EPM2A: variants seen among roughly 807,000 people sequenced by gnomAD.
EPM2A encodes laforin.
A neutral mutation model predicts 26.5 loss-of-function variants in EPM2A; 21 were observed. That is an observed-to-expected ratio of 0.79 (90% CI 0.56 to 1.14). The LOEUF (loss-of-function observed/expected upper bound fraction) is 1.14. EPM2A is among the 50% of genes most tolerant of loss of function. The probability of loss-of-function intolerance (pLI) is 0.00; values close to 1 mark genes in which losing one functional copy is unlikely to be tolerated. For missense variants in EPM2A, 458 were observed against 440.8 expected, an observed-to-expected ratio of 1.04 and a Z score of -0.35; for synonymous variants, 217 against 177.6, an observed-to-expected ratio of 1.22 and a Z score of -1.76.
chr6:145,511,946 T>A (rs1780060212), intron 2 of EPM2A, among the ~76,000 whole-genome samples: 2 of 152,174 alleles, frequency 1.3e-5, no homozygotes, highest in Non-Finnish European at 1.5e-5. Context: ...GTAAAATCAG[T>A]AGCATTTCTA....
intron 2 of EPM2A, among the ~76,000 whole-genome samples, chr6:145,644,462 T>C (rs1396212671): frequency 6.6e-6 from 1 of 152,160 alleles, no homozygotes; most frequent in East Asian, 1.9e-4. Flanking sequence ...GTTTTTTTTA[T>C]ATATGGATGC....
chr6:145,387,889 G>A (rs535772747), intron 4 of EPM2A, among the ~76,000 whole-genome samples: 26 of 151,980 alleles, frequency 1.7e-4, no homozygotes, highest in African/African-American at 3.9e-4. Flanking sequence ...TGATAGATGC[G>A]GGAAGGGTGG....
At chr6:145,458,763 G>A (rs888380524) in intron 4 of EPM2A, among the ~76,000 whole-genome samples, 5 of 118,706 alleles carry the variant, frequency 4.2e-5, no homozygotes, top group South Asian at 5.1e-4. Flanking sequence ...CCCGCCCCCC[G>A]CCCAGTTCTG....
At chr6:145,496,204 T>C (rs953056011) in intron 4 of EPM2A, among the ~76,000 whole-genome samples, 1 of 152,218 alleles carries the variant, frequency 6.6e-6, no homozygotes, top group Non-Finnish European at 1.5e-5. Context: ...TTGTAGGTAA[T>C]CTGGCCTTTC....
intron 2 of EPM2A, among the ~76,000 whole-genome samples, chr6:145,573,268 G>T (rs1198596862): frequency 6.6e-6 from 1 of 152,196 alleles, no homozygotes; most frequent in African/African-American, 2.4e-5. Context: ...CCTGAGGTAG[G>T]ACAGTAAAGG....
At chr6:145,637,566 TAAAAG>T (rs1776789664) in intron 2 of EPM2A, 1 of 151,770 alleles carries the variant, frequency 6.6e-6, no homozygotes, top group South Asian at 2.1e-4. Context: ...AAAAAAATGA[TAAAAG>T]AAAAGTTAGA....
intron 2 of EPM2A, among the ~76,000 whole-genome samples, chr6:145,519,835 A>G (rs571776735): frequency 1.3e-5 from 2 of 152,234 alleles, no homozygotes; most frequent in Non-Finnish European, 2.9e-5. Context: ...ATAGAATCCT[A>G]TCATTAGCCG....
chr6:145,583,797 T>C (rs1409185764), intron 2 of EPM2A, among the ~76,000 whole-genome samples: 1 of 151,962 alleles, frequency 6.6e-6, no homozygotes, highest in African/African-American at 2.4e-5. Flanking sequence ...GCAAGAGGGA[T>C]GCCTGTATCC....
At chr6:145,556,075 T>C (rs997347568) in intron 2 of EPM2A, among the ~76,000 whole-genome samples, 1 of 152,200 alleles carries the variant, frequency 6.6e-6, no homozygotes, top group Non-Finnish European at 1.5e-5. Flanking sequence ...TGTTCTACAA[T>C]TACAGCCACT....
intron 2 of EPM2A, among the ~76,000 whole-genome samples, chr6:145,666,701 G>T (rs915657549): frequency 2.9e-4 from 40 of 138,154 alleles, no homozygotes; most frequent in Non-Finnish European, 5.1e-4. Context: ...AGCCCGCATC[G>T]CCAAGTCAAT....
intron 2 of EPM2A, among the ~76,000 whole-genome samples, chr6:145,569,622 C>T (rs1780929139): frequency 6.6e-6 from 1 of 152,298 alleles, no homozygotes; most frequent in South Asian, 2.1e-4. Context: ...TATATAGTCC[C>T]TGCCTTTTTA....
chr6:145,473,831 TGAA>T (rs1168361235), intron 4 of EPM2A, among the ~76,000 whole-genome samples: 2 of 151,866 alleles, frequency 1.3e-5, no homozygotes, highest in Admixed American at 6.6e-5. Context: ...TCTTCAAACA[TGAA>T]GGAGAAATAA....
rs145843380 is a variant in EPM2A, at chr6:145,578,490, G to A, written c.340+56755C>T. 1.9e-3 allele frequency among the ~76,000 whole-genome samples: 289 copies of A among 152,218 alleles called. 4 individuals carry two copies. The East Asian group carries it at 0.027, about 14-fold the overall frequency. ...ATAGAACCTTCCAAGATTGAACCATGAAGAAATAGAAAACCTGAACAGACC... is the reference window on the plus strand; with the variant it reads ...ATAGAACCTTCCAAGATTGAACCATAAAGAAATAGAAAACCTGAACAGACC... On this transcript the variant is annotated intron_variant, in intron 2 of 3. Coordinates refer to the EPM2A transcript ENST00000450221.
chr6:145,400,122 C>T (rs763683796), intron 4 of EPM2A, among the ~76,000 whole-genome samples: 13 of 152,128 alleles, frequency 8.5e-5, no homozygotes, highest in Non-Finnish European at 1.8e-4. Context: ...GTCCCTTGGC[C>T]ACAGGGGTCC....
At chr6:145,619,659 C>T (rs1351952354) in intron 2 of EPM2A, among the ~76,000 whole-genome samples, 2 of 151,798 alleles carry the variant, frequency 1.3e-5, no homozygotes, top group East Asian at 1.9e-4. Context: ...TAGGTCTGTC[C>T]GGCAATGAAG....
At chr6:145,534,904 C>T (rs552436447) in intron 2 of EPM2A, among the ~76,000 whole-genome samples, 2 of 152,268 alleles carry the variant, frequency 1.3e-5, no homozygotes, top group South Asian at 4.1e-4. Context: ...GGTACCACCT[C>T]ACCTCTAGGT....
intron 2 of EPM2A, among the ~76,000 whole-genome samples, chr6:145,605,794 G>A (rs866699820): frequency 7.2e-5 from 11 of 152,130 alleles, no homozygotes; most frequent in Middle Eastern, 3.4e-3. Context: ...ATAATTCATG[G>A]TTAAGATGAA....
At chr6:145,444,544 T>A (rs1026664456) in intron 4 of EPM2A, among the ~76,000 whole-genome samples, 4 of 152,202 alleles carry the variant, frequency 2.6e-5, no homozygotes, top group Non-Finnish European at 5.9e-5. Context: ...GAAGTTTTCT[T>A]GTTTTTGTTG....
At chr6:145,671,366 GC>G (rs1315533023) in intron 2 of EPM2A, 1 of 1,002,970 alleles carries the variant, frequency 1.0e-6, no homozygotes, top group Non-Finnish European at 1.2e-6. Context: ...CCATCTTGAG[GC>G]ACAACTGGAA....
Sources: gnomAD v4.1 joint callset for allele counts (sites outside exome capture counted in the v4.1 genomes callset) on GRCh38, gnomAD v4.1.1 for gene constraint, MANE v1.5 for transcripts, NCBI Gene and HGNC (gene_info 2026-07-23, HGNC 2026-07-21) for gene names.